Variants in TRAF3IP2 observed in about 807,000 individuals in gnomAD.
The protein encoded by TRAF3IP2 is E3 ubiquitin ligase TRAF3IP2.
Under a neutral mutation model 57.9 loss-of-function variants are expected in TRAF3IP2, and 35 were observed. The observed-to-expected ratio is 0.60, with a 90% confidence interval of 0.46 to 0.80. The LOEUF (loss-of-function observed/expected upper bound fraction) is 0.80. TRAF3IP2 is among the 30% of genes least tolerant of loss of function. TRAF3IP2 has a pLI of 0.00. For missense variants in TRAF3IP2, 556 were observed against 706.4 expected, an observed-to-expected ratio of 0.79 and a Z score of 2.41; for synonymous variants, 251 against 268.9, an observed-to-expected ratio of 0.93 and a Z score of 0.65.
intron 1 of TRAF3IP2, among the ~76,000 whole-genome samples, chr6:111,597,499 G>C (rs1240171826): frequency 6.6e-6 from 1 of 152,216 alleles, no homozygotes; most frequent in Non-Finnish European, 1.5e-5. Flanking sequence ...GGCAGTCATA[G>C]AGAACAATTA....
At chr6:111,563,880 T>C (rs1207970019) in intron 7 of TRAF3IP2, among the ~76,000 whole-genome samples, 1 of 152,174 alleles carries the variant, frequency 6.6e-6, no homozygotes, top group Non-Finnish European at 1.5e-5. Flanking sequence ...CCCAAGAAGA[T>C]TTAGCTACCA....
Position 111,561,388 on chromosome 6 carries a change from C to T in TRAF3IP2, c.1551+1577G>A, listed in dbSNP as rs1440652086. Among the ~76,000 whole-genome samples, 5 of 151,438 alleles carry T rather than the reference C, an allele frequency of 3.3e-5. No homozygotes were observed. In the East Asian group the frequency reaches 9.7e-4, roughly 29 times the overall value. On this transcript the variant is annotated intron_variant, in intron 8 of 8. Transcript: ENST00000368761. The stretch of plus-strand genomic sequence containing the variant: ...CCTGGAGGCAGAGGTTGCAGTGAGC[C>T]GAGATCACACCACTACACTCCAGCC...
At chr6:111,564,989 G>T (rs531240512) in intron 7 of TRAF3IP2, among the ~76,000 whole-genome samples, 2 of 152,298 alleles carry the variant, frequency 1.3e-5, no homozygotes, top group East Asian at 3.9e-4. Context: ...ACCTTTTCAG[G>T]CAGTTTACTC....
chr6:111,592,387 T>C (rs1562434113), intron 1 of TRAF3IP2, among the ~76,000 whole-genome samples: 1 of 152,168 alleles, frequency 6.6e-6, no homozygotes, highest in Non-Finnish European at 1.5e-5. Flanking sequence ...AACTGCCAAG[T>C]ATTGAGGAAA....
intron 2 of TRAF3IP2, among the ~76,000 whole-genome samples, chr6:111,588,418 G>A (rs998740539): frequency 1.3e-5 from 2 of 152,238 alleles, no homozygotes; most frequent in Non-Finnish European, 2.9e-5. Flanking sequence ...CCAGTCAGGA[G>A]TGTTTGCCTT....
At chr6:111,570,037 A>G (rs568822157) in intron 5 of TRAF3IP2, among the ~76,000 whole-genome samples, 1 of 152,308 alleles carries the variant, frequency 6.6e-6, no homozygotes, top group Admixed American at 6.5e-5. Flanking sequence ...CCTTTAAAGA[A>G]GTAATTAGGA....
chr6:111,567,347 T>C, intron 6 of TRAF3IP2: 1 of 1,170,576 alleles, frequency 8.5e-7, no homozygotes, highest in Middle Eastern at 3.4e-4. Flanking sequence ...CGCCTTCATT[T>C]CCTTCTTTCC....
chr6:111,595,636 T>G (rs1796658667), intron 1 of TRAF3IP2, among the ~76,000 whole-genome samples: 1 of 152,080 alleles, frequency 6.6e-6, no homozygotes, highest in South Asian at 2.1e-4. Context: ...GAGACCAGCC[T>G]GGCCAACATG....
Position 111,572,932 on chromosome 6 carries a change from A to C in TRAF3IP2, c.1253T>G (p.Phe418Cys). ...GCCATTTACCAACAAAAAGTTCACG[A>C]ATTTCACCACCTCCATAGCTGTGTC... ...SMDTAMEVVK[F>C]VNFLLVNGFQ... The change falls in exon 5 of 9, where the codon TTC becomes TGC. Residue 418 changes from phenylalanine (F) to cysteine (C), a missense_variant. Transcript: ENST00000368761. The C allele has an allele frequency of 6.2e-7, 1 of 1,614,134 alleles. No homozygotes were observed. The highest frequency in any genetic ancestry group is 8.5e-7 in the Non-Finnish European group (1 of 1,180,012).
At chr6:111,599,917 A>G (rs1460747308) in intron 1 of TRAF3IP2, 1 of 152,182 alleles carries the variant, frequency 6.6e-6, no homozygotes, top group Non-Finnish European at 1.5e-5. Flanking sequence ...AACATATGCA[A>G]TACTTAAATG....
chr6:111,563,129 T>C, intron 7 of TRAF3IP2, 90 bp from the exon 8 acceptor site: 1 of 915,764 alleles, frequency 1.1e-6, no homozygotes, highest in Non-Finnish European at 1.7e-6. Context: ...CATGGCATTT[T>C]TATTCTGATT....
rs542644789 is a variant in TRAF3IP2, at chr6:111,565,701, C to T, written c.1476+743G>A. ...CAGTTCCAACGCTGGGTGATTGTTTCGGTCAGAATGTTCTAGTTTTATCCC... is the reference window on the plus strand; with the variant it reads ...CAGTTCCAACGCTGGGTGATTGTTTTGGTCAGAATGTTCTAGTTTTATCCC... On this transcript the variant is annotated intron_variant, in intron 7 of 8. Coordinates refer to ENST00000368761, the MANE Select transcript of TRAF3IP2 (RefSeq NM_147686.4). Among the ~76,000 whole-genome samples the T allele has an allele frequency of 1.2e-4, 18 of 152,260 alleles. No homozygotes were observed. In the Middle Eastern group the frequency reaches 0.01, roughly 86 times the overall value.
chr6:111,588,016 C>T (rs1796392820), intron 2 of TRAF3IP2, among the ~76,000 whole-genome samples: 1 of 152,126 alleles, frequency 6.6e-6, no homozygotes, highest in South Asian at 2.1e-4. Flanking sequence ...AGTGAAATTG[C>T]CTTCTGGGAG....
At chr6:111,567,452 C>T in intron 6 of TRAF3IP2, 172 bp downstream of exon 6, 1 of 1,321,782 alleles carries the variant, frequency 7.6e-7, no homozygotes, top group Non-Finnish European at 9.7e-7. Context: ...AAGAGGGCGA[C>T]TCCGTCCTTC....
chr6:111,572,536 A>G (rs1358586858), intron 5 of TRAF3IP2, among the ~76,000 whole-genome samples: 1 of 152,232 alleles, frequency 6.6e-6, no homozygotes, highest in African/African-American at 2.4e-5. Context: ...GCATCATGGG[A>G]AACTCAGACA....
At chr6:111,567,560 C>T (rs767373771) in intron 6 of TRAF3IP2, 64 bp downstream of exon 6, 3 of 1,523,000 alleles carry the variant, frequency 2.0e-6, no homozygotes, top group South Asian at 1.3e-5. Flanking sequence ...TTTAATAAAA[C>T]AACTTCATAA....
At chr6:111,571,322 C>T (rs1795825058) in intron 5 of TRAF3IP2, among the ~76,000 whole-genome samples, 1 of 152,024 alleles carries the variant, frequency 6.6e-6, no homozygotes, top group Non-Finnish European at 1.5e-5. Flanking sequence ...AGGTGATCTG[C>T]CCGCCTCAGC....
In TRAF3IP2 at chr6:111,579,416, A is replaced by G. The variant is rs142777431; in HGVS notation, c.1022+781T>C. On this transcript the variant is annotated intron_variant, in intron 3 of 8. Coordinates refer to ENST00000368761, the MANE Select transcript of TRAF3IP2 (RefSeq NM_147686.4). ...GAGAGACCTAATAATGGTACTCAAC[A>G]TGTATGAATGTTTTTATTACAAAAG... Among the ~76,000 whole-genome samples, 204 of 151,578 alleles carry G rather than the reference A, an allele frequency of 1.3e-3. 2 individuals are homozygous for G. The highest frequency in any genetic ancestry group is 4.8e-3 in the African/African-American group (197 of 41,384).
At chr6:111,598,080 G>C in intron 1 of TRAF3IP2, 1 of 359,754 alleles carries the variant, frequency 2.8e-6, no homozygotes, top group Non-Finnish European at 5.4e-6. Context: ...GGGCTGGAGG[G>C]CGAAGAAGCC....
Sources: gnomAD v4.1 joint callset for allele counts (sites outside exome capture counted in the v4.1 genomes callset) on GRCh38, gnomAD v4.1.1 for gene constraint, MANE v1.5 for transcripts, NCBI Gene and HGNC (gene_info 2026-07-23, HGNC 2026-07-21) for gene names.